Variants in NNT observed in about 807,000 individuals in gnomAD.
NNT encodes the protein nicotinamide nucleotide transhydrogenase.
NNT carries 50 observed loss-of-function variants against 104.8 expected under a neutral mutation model. That is an observed-to-expected ratio of 0.48 (90% CI 0.38 to 0.60). The LOEUF is 0.60. Among genes scored for constraint, NNT ranks in the 20% least tolerant of loss-of-function variants. The pLI, the probability that NNT is intolerant of heterozygous loss-of-function variation, is 0.00. For synonymous variants in NNT, 461 were observed against 490.4 expected (o/e 0.94, Z 0.79); for missense variants, 1,131 against 1,330.7 (o/e 0.85, Z 2.33).
At chr5:43,658,381 A>C (rs10461744) in intron 16 of NNT, among the ~76,000 whole-genome samples, 21,439 of 152,186 alleles carry the variant, frequency 0.14, 2,203 homozygotes, top group African/African-American at 0.29. Context: ...TTTTCCTTTC[A>C]TGTGTTTAGT....
At chr5:43,636,083 T>C (rs1750916104) in intron 7 of NNT, among the ~76,000 whole-genome samples, 1 of 152,190 alleles carries the variant, frequency 6.6e-6, no homozygotes, top group African/African-American at 2.4e-5. Context: ...GTTCCACTAC[T>C]TAACAGCTGA....
At chr5:43,648,018 C>A in intron 10 of NNT, 2 of 1,009,972 alleles carry the variant, frequency 2.0e-6, no homozygotes, top group South Asian at 1.3e-5. Flanking sequence ...TAGGGAGCAG[C>A]AGAACCAGGA....
At chr5:43,634,107 A>C (rs570601049) in intron 7 of NNT, among the ~76,000 whole-genome samples, 2 of 152,242 alleles carry the variant, frequency 1.3e-5, no homozygotes, top group East Asian at 3.9e-4. Flanking sequence ...GTTTTTATCT[A>C]TACTTGTTAG....
chr5:43,610,785 G>A (rs943871362), intron 2 of NNT, among the ~76,000 whole-genome samples: 4 of 152,124 alleles, frequency 2.6e-5, no homozygotes, highest in African/African-American at 9.7e-5. Flanking sequence ...TGATAAAATT[G>A]TGTATAAAAT....
intron 19 of NNT, among the ~76,000 whole-genome samples, chr5:43,680,966 T>C (rs1228983558): frequency 3.3e-5 from 5 of 152,130 alleles, no homozygotes; most frequent in Non-Finnish European, 7.4e-5. Flanking sequence ...AGAGATAATG[T>C]TCCCATTGAG....
At chr5:43,622,705 G>A (rs555298182) in intron 5 of NNT, among the ~76,000 whole-genome samples, 1 of 152,200 alleles carries the variant, frequency 6.6e-6, no homozygotes, top group Non-Finnish European at 1.5e-5. Context: ...GCTTGCCGAA[G>A]ATCACCCAGA....
chr5:43,653,492 C>T (rs1027952972), intron 14 of NNT: 3 of 316,336 alleles, frequency 9.5e-6, no homozygotes, highest in Non-Finnish European at 1.2e-5. Context: ...GATTGGAATC[C>T]TTATGTATGT....
intron 1 of NNT, among the ~76,000 whole-genome samples, chr5:43,603,852 CG>C (rs929943685): frequency 6.6e-6 from 1 of 151,848 alleles, no homozygotes; most frequent in African/African-American, 2.4e-5. Context: ...TGAGTTGGGG[CG>C]GTCTGGCGGT....
intron 6 of NNT, among the ~76,000 whole-genome samples, chr5:43,625,339 G>T (rs193081403): frequency 6.6e-6 from 1 of 152,102 alleles, no homozygotes; most frequent in African/African-American, 2.4e-5. Context: ...TATGGCTGTT[G>T]CTTATATTAG....
intron 18 of NNT, 27 bp from the exon 19 acceptor site, chr5:43,677,698 C>A (rs775576621): frequency 1.9e-6 from 3 of 1,583,676 alleles, no homozygotes; most frequent in Admixed American, 1.7e-5. Context: ...AAAACACATT[C>A]TTCTGTGTTC....
At chr5:43,639,516 T>C (rs1580013308) in intron 7 of NNT, among the ~76,000 whole-genome samples, 1 of 152,296 alleles carries the variant, frequency 6.6e-6, no homozygotes, top group East Asian at 1.9e-4. Context: ...AATATCCAAC[T>C]CTTCTAGTAA....
intron 19 of NNT, among the ~76,000 whole-genome samples, chr5:43,692,691 T>C (rs1158747132): frequency 6.6e-6 from 1 of 152,206 alleles, no homozygotes. Flanking sequence ...AAAAACCCCA[T>C]CACATTTATC....
At chr5:43,680,774 T>C (rs1220865436) in intron 19 of NNT, among the ~76,000 whole-genome samples, 1 of 152,132 alleles carries the variant, frequency 6.6e-6, no homozygotes, top group African/African-American at 2.4e-5. Context: ...AGACTTTTGT[T>C]AGTGGCCAAG....
chr5:43,694,750 G>GTGTT (rs1003193384), intron 19 of NNT, among the ~76,000 whole-genome samples: 2 of 147,464 alleles, frequency 1.4e-5, no homozygotes, highest in African/African-American at 5.2e-5. Flanking sequence ...GTGTGTGTGT[G>GTGTT]TGTGTGTGTG....
chr5:43,675,615 C>G lies in NNT; in HGVS notation c.2739C>G (p.Asn913Lys), dbSNP rs1399380554. 1 of 1,612,258 alleles carries G rather than the reference C, an allele frequency of 6.2e-7. No individual in the cohort carries two copies. The highest frequency in any genetic ancestry group is 1.1e-5 in the South Asian group (1 of 90,806). ...TTTCTGGCACACATACGGAAATCAACCTTGACAATGCAATTGACATGATTC... is the reference window on the plus strand; with the variant it reads ...TTTCTGGCACACATACGGAAATCAAGCTTGACAATGCAATTGACATGATTC... The part of the protein sequence containing the change: ...MEISGTHTEI[N>K]LDNAIDMIRE... Residue 913 changes from asparagine (N) to lysine (K), a missense_variant, in exon 18 of 22, where the codon AAC becomes AAG. Transcript: ENST00000344920.
intron 2 of NNT, among the ~76,000 whole-genome samples, chr5:43,609,888 G>A (rs1749415430): frequency 1.3e-5 from 2 of 152,068 alleles, no homozygotes; most frequent in Admixed American, 6.5e-5. Flanking sequence ...TATCATCTTG[G>A]TCCAAGCCAT....
Position 43,682,319 on chromosome 5 carries a change from T to C in NNT, c.2876+4513T>C, listed in dbSNP as rs374194171. Among the ~76,000 whole-genome samples the C allele has an allele frequency of 2.5e-4, 37 of 150,808 alleles. No homozygotes were observed. The East Asian group carries it at 3.0e-3, about 12-fold the overall frequency. ...TCCGCCTCCTAGGTTTAAGCGATTC[T>C]CCCACCTCAGCCTCCCAAGTAGCTG... On this transcript the variant is annotated intron_variant, in intron 19 of 21. Transcript: ENST00000344920.
At chr5:43,689,699 C>T (rs1168826319) in intron 19 of NNT, among the ~76,000 whole-genome samples, 1 of 151,860 alleles carries the variant, frequency 6.6e-6, no homozygotes, top group African/African-American at 2.4e-5. Context: ...TTCAGAAGGC[C>T]GATTATTAAG....
intron 17 of NNT, among the ~76,000 whole-genome samples, chr5:43,668,286 T>G (rs987253821): frequency 8.6e-5 from 13 of 151,658 alleles, no homozygotes; most frequent in African/African-American, 2.2e-4. Flanking sequence ...TTAGTTTAAT[T>G]AGATCCCATT....
Sources: gnomAD v4.1 joint callset for allele counts (sites outside exome capture counted in the v4.1 genomes callset) on GRCh38, gnomAD v4.1.1 for gene constraint, MANE v1.5 for transcripts, NCBI Gene and HGNC (gene_info 2026-07-23, HGNC 2026-07-21) for gene names.